Variants in LIPI observed in about 807,000 individuals in gnomAD.
LIPI encodes the protein lipase member I.
LIPI carries 59 observed loss-of-function variants against 50.6 expected under a neutral mutation model. That is an observed-to-expected ratio of 1.16 (90% CI 0.94 to 1.45). The LOEUF (loss-of-function observed/expected upper bound fraction) is 1.45. LIPI is among the 40% of genes most tolerant of loss of function. The pLI is 0.00. For synonymous variants in LIPI, 203 were observed against 178.2 expected (o/e 1.14, Z -1.11); for missense variants, 586 against 536.3 (o/e 1.09, Z -0.92).
At chr21:14,182,865 C>T (rs1184634591) in intron 3 of LIPI, among the ~76,000 whole-genome samples, 4 of 152,126 alleles carry the variant, frequency 2.6e-5, no homozygotes, top group Admixed American at 2.6e-4. Context: ...AAGAACATTC[C>T]ATGCTCATGG....
intron 7 of LIPI, among the ~76,000 whole-genome samples, chr21:14,161,633 A>ATATAATACATACATTATTATATATTAATG (rs2018477930): frequency 2.0e-5 from 2 of 100,592 alleles, no homozygotes; most frequent in Non-Finnish European, 3.5e-5. Flanking sequence ...ATATATTAAT[A>ATATAATACATACATTATTATATATTAATG]TATAATATAT....
chr21:14,134,093 T>TA (rs1568841338), intron 9 of LIPI, among the ~76,000 whole-genome samples: 1 of 151,862 alleles, frequency 6.6e-6, no homozygotes, highest in Non-Finnish European at 1.5e-5. Context: ...TAGTCAGGCA[T>TA]GGTGGTGCAT....
chr21:14,133,216 T>G (rs116793008), intron 9 of LIPI, among the ~76,000 whole-genome samples: 4,125 of 152,186 alleles, frequency 0.027, 178 homozygotes, highest in African/African-American at 0.091. Flanking sequence ...AACTACAGAT[T>G]AATATTCCTG....
intron 8 of LIPI, among the ~76,000 whole-genome samples, chr21:14,152,071 TTTTATTTATTTATTTATTTA>T (rs71819029): frequency 4.2e-5 from 6 of 143,434 alleles, no homozygotes; most frequent in African/African-American, 7.7e-5. Flanking sequence ...CTTTAACTTA[TTTTATTTATTTATTTATTTA>T]TTTATTTATT....
intron 9 of LIPI, among the ~76,000 whole-genome samples, chr21:14,120,634 C>T (rs1380741051): frequency 2.0e-5 from 3 of 152,134 alleles, no homozygotes; most frequent in Non-Finnish European, 2.9e-5. Flanking sequence ...AAAGAAGAGA[C>T]TTATGTTATG....
intron 7 of LIPI, among the ~76,000 whole-genome samples, chr21:14,159,522 A>T (rs13047430): frequency 0.27 from 41,470 of 151,154 alleles, 5,869 homozygotes; most frequent in Middle Eastern, 0.35. Flanking sequence ...GTATCTACAA[A>T]AAAAACTATA....
At chr21:14,112,629 A>C (rs2016459839) in intron 9 of LIPI, among the ~76,000 whole-genome samples, 1 of 147,300 alleles carries the variant, frequency 6.8e-6, no homozygotes, top group Admixed American at 6.8e-5. Flanking sequence ...TATTTTTCAG[A>C]TACTTTGCTA....
chr21:14,117,765 G>T (rs551696856), intron 9 of LIPI, among the ~76,000 whole-genome samples: 3 of 152,264 alleles, frequency 2.0e-5, no homozygotes, highest in East Asian at 3.9e-4. Flanking sequence ...AGTTGCAGAG[G>T]CTGGAGGGGT....
intron 8 of LIPI, among the ~76,000 whole-genome samples, chr21:14,151,733 A>T (rs1455373582): frequency 6.6e-6 from 1 of 152,218 alleles, no homozygotes; most frequent in Non-Finnish European, 1.5e-5. Flanking sequence ...ACAGAAATAT[A>T]TATTCAACAA....
intron 8 of LIPI, among the ~76,000 whole-genome samples, chr21:14,146,286 C>CAA (rs199544529): frequency 1.0e-4 from 14 of 136,536 alleles, no homozygotes; most frequent in African/African-American, 3.5e-4. Context: ...TTTCTCCAAC[C>CAA]AAAAAAAAAA....
chr21:14,120,179 C>T (rs544042998), intron 9 of LIPI, among the ~76,000 whole-genome samples: 197 of 152,272 alleles, frequency 1.3e-3, no homozygotes, highest in Admixed American at 6.4e-3. Context: ...TTAAAAGACC[C>T]AGATGTTGAA....
chr21:14,133,020 C>A (rs1163858837), intron 9 of LIPI, among the ~76,000 whole-genome samples: 1 of 151,968 alleles, frequency 6.6e-6, no homozygotes, highest in East Asian at 1.9e-4. Context: ...CTCACAACAA[C>A]AACAACAACA....
chr21:14,161,862 T>A (rs1157341874), intron 7 of LIPI, among the ~76,000 whole-genome samples: 1 of 121,548 alleles, frequency 8.2e-6, no homozygotes, highest in Admixed American at 1.0e-4. Context: ...TATATATAAT[T>A]ACATATAATA....
At chr21:14,161,622 A>AATATATTAATATATAATATACACATTATT (rs1568858279) in intron 7 of LIPI, among the ~76,000 whole-genome samples, 1 of 95,536 alleles carries the variant, frequency 1.0e-5, no homozygotes, top group Non-Finnish European at 1.8e-5. Context: ...ATACATATAT[A>AATATATTAATATATAATATACACATTATT]ATATATTAAT....
At chr21:14,168,217 A>G (rs1344241638) in intron 4 of LIPI, among the ~76,000 whole-genome samples, 2 of 152,224 alleles carry the variant, frequency 1.3e-5, no homozygotes, top group Non-Finnish European at 2.9e-5. Context: ...GACTATGTGA[A>G]AAGACCAAAT....
At chr21:14,178,233 T>C (rs2019158536) in intron 4 of LIPI, among the ~76,000 whole-genome samples, 1 of 152,172 alleles carries the variant, frequency 6.6e-6, no homozygotes, top group African/African-American at 2.4e-5. Flanking sequence ...ACTGATTATA[T>C]TACTCAGTTT....
chr21:14,165,877 C>G (rs79406095), intron 5 of LIPI, among the ~76,000 whole-genome samples: 8 of 152,268 alleles, frequency 5.3e-5, no homozygotes, highest in Middle Eastern at 6.8e-3. Context: ...GACCAGTTGC[C>G]GTTGTGGACC....
Position 14,189,124 on chromosome 21 carries a change from G to T in LIPI, c.342C>A (p.Ser114Arg), listed in dbSNP as rs1402019318. The change falls in exon 2 of 10, where the codon AGC becomes AGA. Residue 114 changes from serine to arginine, a missense_variant. Physicochemically the swap from Ser to Arg is moderately radical, Grantham distance 110. Transcript: ENST00000681601. ...EDMNVIVVDW[S>R]RGATTFIYNR... The stretch of plus-strand genomic sequence containing the variant: ...TATAAATAAAAGTTGTAGCACCCCG[G>T]CTCCAGTCTACTACAATTACATTCA... 3 of 1,613,554 alleles carry T rather than the reference G, an allele frequency of 1.9e-6. No individual in the cohort carries two copies. Among genetic ancestry groups the T allele is most frequent in the Non-Finnish European group, 2.5e-6 (3 of 1,179,936 alleles).
At chr21:14,140,658 CAT>C (rs2123042807) in intron 9 of LIPI, among the ~76,000 whole-genome samples, 1 of 152,048 alleles carries the variant, frequency 6.6e-6, no homozygotes, top group South Asian at 2.1e-4. Flanking sequence ...TGATATATGA[CAT>C]ATCAAAGTCT....
Sources: allele counts gnomAD v4.1 joint callset (sites outside exome capture counted in the v4.1 genomes callset), GRCh38; gene constraint gnomAD v4.1.1; transcripts MANE v1.5; gene names NCBI Gene and HGNC (gene_info 2026-07-23, HGNC 2026-07-21).